Variants in FAM151B observed in about 807,000 individuals in gnomAD.
FAM151B encodes the protein protein FAM151B.
A neutral mutation model predicts 31.2 loss-of-function variants in FAM151B; 24 were observed. The observed-to-expected ratio is 0.77, with a 90% confidence interval of 0.56 to 1.08. The LOEUF is 1.08. FAM151B is among the 50% of genes least tolerant of loss of function. The pLI is 0.00. For synonymous variants in FAM151B, 105 were observed against 111.4 expected (o/e 0.94, Z 0.36); for missense variants, 293 against 328.6 (o/e 0.89, Z 0.84).
At chr5:80,489,181 A>G (rs568857834) in intron 1 of FAM151B, among the ~76,000 whole-genome samples, 16 of 152,284 alleles carry the variant, frequency 1.1e-4, no homozygotes, top group African/African-American at 3.9e-4. Flanking sequence ...GTTGAACGTT[A>G]ATCAGTCGTT....
At chr5:80,523,804 T>C (rs1380398365) in intron 5 of FAM151B, among the ~76,000 whole-genome samples, 1 of 152,196 alleles carries the variant, frequency 6.6e-6, no homozygotes, top group Non-Finnish European at 1.5e-5. Context: ...TAGAGTAGTT[T>C]GAATCAGTGG....
chr5:80,502,006 G>C, intron 2 of FAM151B, 89 bp downstream of exon 2: 2 of 992,190 alleles, frequency 2.0e-6, no homozygotes, highest in East Asian at 3.0e-5. Context: ...GCAGATACTA[G>C]AGACAGGTGA....
chr5:80,527,346 C>T (rs1745016642), intron 5 of FAM151B, among the ~76,000 whole-genome samples: 1 of 151,950 alleles, frequency 6.6e-6, no homozygotes, highest in South Asian at 2.1e-4. Flanking sequence ...TTGCTTGAAC[C>T]TGGAAGGCAG....
intron 5 of FAM151B, among the ~76,000 whole-genome samples, chr5:80,537,148 A>T (rs1331290624): frequency 6.6e-6 from 1 of 152,242 alleles, no homozygotes; most frequent in Non-Finnish European, 1.5e-5. Flanking sequence ...CATGTACCCC[A>T]TAAATATAAA....
At chr5:80,505,977 C>T (rs905972553) in intron 2 of FAM151B, 4 of 468,354 alleles carry the variant, frequency 8.5e-6, no homozygotes, top group East Asian at 1.5e-4. Flanking sequence ...AGACTGGTCT[C>T]GAACTCCTGA....
In FAM151B at chr5:80,529,241, T is replaced by G. The variant is rs1386283707; in HGVS notation, c.671+7103T>G. 4.6e-5 allele frequency among the ~76,000 whole-genome samples: 7 copies of G among 152,278 alleles called. No homozygotes were observed. The East Asian group carries it at 1.2e-3, about 25-fold the overall frequency. ...TCTCTGGGACACATTTAAAGCAGTG[T>G]GTAGAGGGAAATTTATAGCACTAAA... On this transcript the variant is annotated intron_variant, in intron 5 of 5. Transcript: ENST00000282226.
chr5:80,506,637 A>C (rs1743976103), intron 2 of FAM151B, among the ~76,000 whole-genome samples: 1 of 152,220 alleles, frequency 6.6e-6, no homozygotes, highest in Non-Finnish European at 1.5e-5. Flanking sequence ...TGGTATATTT[A>C]AACATAAATC....
chr5:80,524,369 A>T (rs566660709), intron 5 of FAM151B, among the ~76,000 whole-genome samples: 2 of 152,236 alleles, frequency 1.3e-5, no homozygotes, highest in East Asian at 3.9e-4. Context: ...TTATGTTAGC[A>T]AATTTTTCAA....
chr5:80,497,175 C>T (rs955928771), intron 1 of FAM151B, among the ~76,000 whole-genome samples: 1 of 151,648 alleles, frequency 6.6e-6, no homozygotes, highest in African/African-American at 2.4e-5. Context: ...CCTATAATCT[C>T]AGCACTTTGG....
At chr5:80,538,434 TTCTTTC>T (rs1554059052) in intron 5 of FAM151B, among the ~76,000 whole-genome samples, 1 of 57,510 alleles carries the variant, frequency 1.7e-5, no homozygotes, top group African/African-American at 9.4e-5. Context: ...CTTTCTTTCT[TTCTTTC>T]TTTCTTTCTC....
chr5:80,523,711 A>C (rs1447780090), intron 5 of FAM151B, among the ~76,000 whole-genome samples: 1 of 152,208 alleles, frequency 6.6e-6, no homozygotes, highest in East Asian at 1.9e-4. Flanking sequence ...GAATAAATTA[A>C]GATGCAGAAT....
In FAM151B at chr5:80,501,795, C is replaced by T; in HGVS notation, c.29C>T (p.Ser10Phe). Residue 10 changes from serine to phenylalanine, a missense_variant, in exon 2 of 6, where the codon TCT (serine) becomes TTT (phenylalanine). Physicochemically the swap from Ser to Phe is radical, Grantham distance 155. Transcript: ENST00000282226. ...CATGTAAACACTGTTATTTTAGGAT[C>T]TTGGAGTGAAAATATACTGGAATAT... is the stretch of plus-strand genomic sequence containing the variant. The part of the protein sequence containing the change: MAASAGGPG[S>F]WSENILEYFL... 6.3e-7 allele frequency: 1 copy of T among 1,595,764 alleles called. No individual in the cohort carries two copies. The highest frequency in any genetic ancestry group is 8.6e-7 in the Non-Finnish European group (1 of 1,169,078).
rs1413544498 is a variant in FAM151B at position 80,538,436 on chromosome 5, CTT to C, written c.672-3235_672-3234del. On this transcript the variant is annotated intron_variant, in intron 5 of 5. Coordinates refer to ENST00000282226, the MANE Select transcript of FAM151B (RefSeq NM_205548.3). ...TCTTTCTTTCTTTCTTTCTTTCTTTCTTTCTTTCTTTCTCTTTCTTTCTTTCT... is the reference window on the plus strand; with the variant it reads ...TCTTTCTTTCTTTCTTTCTTTCTTTCTCTTTCTTTCTCTTTCTTTCTTTCT... Among the ~76,000 whole-genome samples, 442 of 59,486 alleles carry C rather than the reference CTT, an allele frequency of 7.4e-3. 1 individual carries two copies. Among genetic ancestry groups the C allele is most frequent in the African/African-American group, 0.024 (267 of 11,054 alleles). 39.0% of individuals were successfully genotyped at this position (59,486 alleles called of 152,430 possible). A position where few individuals can be genotyped will look rare whatever the true frequency, so the allele number is the denominator to read the frequency against.
intron 5 of FAM151B, among the ~76,000 whole-genome samples, chr5:80,526,657 C>A (rs1174598161): frequency 2.0e-5 from 3 of 151,938 alleles, no homozygotes; most frequent in Non-Finnish European, 4.4e-5. Flanking sequence ...CTTGAGTTTT[C>A]TAAGCAAAAA....
chr5:80,494,456 T>TTTCTTTCTTTTCTTTCTTTCTTTCTTTTC (rs753640131), intron 1 of FAM151B, among the ~76,000 whole-genome samples: 2 of 82,688 alleles, frequency 2.4e-5, no homozygotes, highest in African/African-American at 8.8e-5. Flanking sequence ...TCTTTCTTTC[T>TTTCTTTCTTTTCTTTCTTTCTTTCTTTTC]TTTCTTTCTT....
intron 5 of FAM151B, among the ~76,000 whole-genome samples, chr5:80,528,039 A>T (rs1745049619): frequency 6.6e-6 from 1 of 152,016 alleles, no homozygotes; most frequent in African/African-American, 2.4e-5. Context: ...TACTTTTTTT[A>T]AACTTTTAAA....
intron 1 of FAM151B, among the ~76,000 whole-genome samples, chr5:80,497,079 G>T (rs936980202): frequency 1.3e-5 from 2 of 151,802 alleles, no homozygotes. Context: ...CCAAAGTGCT[G>T]GGATTACAGG....
chr5:80,533,156 T>C (rs2112667588), intron 5 of FAM151B, among the ~76,000 whole-genome samples: 1 of 150,254 alleles, frequency 6.7e-6, no homozygotes, highest in South Asian at 2.1e-4. Flanking sequence ...CGCGGGTGGA[T>C]CACGAGGTCA....
At chr5:80,541,492 T>G (rs1294291560) in intron 5 of FAM151B, among the ~76,000 whole-genome samples, 181 bp from the exon 6 acceptor site, 1 of 152,248 alleles carries the variant, frequency 6.6e-6, no homozygotes, top group Non-Finnish European at 1.5e-5. Flanking sequence ...AATGTTTTTT[T>G]GTCTCTAGTC....
Sources: allele counts gnomAD v4.1 joint callset (sites outside exome capture counted in the v4.1 genomes callset), GRCh38; gene constraint gnomAD v4.1.1; transcripts MANE v1.5; gene names NCBI Gene and HGNC (gene_info 2026-07-23, HGNC 2026-07-21).